HNF1B: variants seen among roughly 807,000 people sequenced by gnomAD.
HNF1B encodes the protein hepatocyte nuclear factor 1-beta.
In HNF1B, 8 loss-of-function variants were observed where a neutral mutation model predicts 61.7. The ratio of observed to expected loss-of-function variants is 0.13; its 90% confidence interval spans 0.08 to 0.23. The LOEUF is 0.23. HNF1B is among the 10% of genes least tolerant of loss of function. HNF1B has a pLI of 1.00. For synonymous variants in HNF1B, 314 were observed against 287.7 expected, an observed-to-expected ratio of 1.09 and a Z score of -0.93; for missense variants, 562 against 714.5, an observed-to-expected ratio of 0.79 and a Z score of 2.43.
rs887863203 is a variant in HNF1B at position 37,701,003 on chromosome 17, G to C, written c.1514C>G (p.Thr505Ser). The change falls in exon 7 of 9, where the codon ACT (threonine) becomes AGT (serine). Residue 505 changes from threonine to serine, a missense_variant. Thr to Ser is a moderately conservative substitution (Grantham distance 58, BLOSUM62 1). Around this residue, in one of 6 missense-constraint regions of HNF1B, gnomAD observed 64 missense variants for 96.9 expected, o/e 0.66. Transcript: ENST00000617811. ...MAQQPFMAAVTQLQNSHMYAH... is the reference protein window; with the variant it reads ...MAQQPFMAAVSQLQNSHMYAH... ...CTTACTGTGTGAGTTCTGCAGCTGA[G>C]TCACAGCTGCCATGAAGGGCTGCTG... 7 of 1,557,284 alleles carry C rather than the reference G, an allele frequency of 4.5e-6. No homozygotes were observed. Among genetic ancestry groups the C allele is most frequent in the Non-Finnish European group, 6.1e-6 (7 of 1,150,182 alleles).
In HNF1B at chr17:37,701,090, T is replaced by C; in HGVS notation, c.1427A>G (p.Gln476Arg). 1 of 1,553,598 alleles carries C rather than the reference T, an allele frequency of 6.4e-7. No homozygotes were observed. Among genetic ancestry groups the C allele is most frequent in the Non-Finnish European group, 8.7e-7 (1 of 1,148,310 alleles). ...LAALQPVQFS[Q>R]QLHSPHQQPL... ...CTGCTGGTGAGGGCTGTGCAGCTGC[T>C]GGGAGAACTGGACGGGCTGCAGGGC... The change falls in exon 7 of 9, where the codon CAG becomes CGG. Residue 476 changes from glutamine (Q) to arginine (R), a missense_variant. Coordinates refer to ENST00000617811, the MANE Select transcript of HNF1B (RefSeq NM_000458.4).
intron 4 of HNF1B, among the ~76,000 whole-genome samples, chr17:37,719,983 C>T (rs1003424062): frequency 6.6e-6 from 1 of 152,130 alleles, no homozygotes; most frequent in Non-Finnish European, 1.5e-5. Flanking sequence ...ATCATTATCA[C>T]CATCATCATC....
chr17:37,716,841 A>AAT (rs2033132060), intron 4 of HNF1B, among the ~76,000 whole-genome samples: 3 of 76,834 alleles, frequency 3.9e-5, no homozygotes, highest in African/African-American at 1.8e-4. Context: ...ACACTTTAAC[A>AAT]ATCTCTCTCT....
At chr17:37,710,333 C>T (rs1409992962) in intron 5 of HNF1B, among the ~76,000 whole-genome samples, 170 bp downstream of exon 5, 1 of 152,252 alleles carries the variant, frequency 6.6e-6, no homozygotes, top group African/African-American at 2.4e-5. Flanking sequence ...CTTCTACCCG[C>T]CAAAGGCTGG....
intron 4 of HNF1B, among the ~76,000 whole-genome samples, chr17:37,719,386 T>C (rs866417148): frequency 6.6e-6 from 1 of 152,194 alleles, no homozygotes; most frequent in African/African-American, 2.4e-5. Context: ...GTTTGGGGGC[T>C]ACTGGGTTGA....
intron 4 of HNF1B, among the ~76,000 whole-genome samples, chr17:37,719,286 GTAAGAGAAGAGGAGAGAGAGAT>G (rs2147501817): frequency 6.6e-6 from 1 of 152,224 alleles, no homozygotes; most frequent in Non-Finnish European, 1.5e-5. Context: ...AGAAAGAGGA[GTAAGAGAAGAGGAGAGAGAGAT>G]TAAAATACAA....
intron 1 of HNF1B, among the ~76,000 whole-genome samples, chr17:37,742,598 G>T (rs1163603873): frequency 1.3e-5 from 2 of 152,074 alleles, no homozygotes; most frequent in African/African-American, 4.8e-5. Flanking sequence ...CGGGACGGGA[G>T]AAAAAAGCCT....
At chr17:37,739,334 A>G in intron 2 of HNF1B, 106 bp downstream of exon 2, 1 of 1,025,596 alleles carries the variant, frequency 9.8e-7, no homozygotes, top group Non-Finnish European at 1.5e-6. Context: ...CATATCTGCC[A>G]AGTGCTCACA....
Position 37,701,114 on chromosome 17 carries a change from G to C in HNF1B, c.1403C>G (p.Ala468Gly). The C allele has an allele frequency of 6.4e-7, 1 of 1,552,376 alleles. No homozygotes were observed. The highest frequency in any genetic ancestry group is 8.7e-7 in the Non-Finnish European group (1 of 1,147,784). ...CTGGGAGAACTGGACGGGCTGCAGG[G>C]CTGCCAGGCTGCCGGCCACACTGTT... ...VINSVAGSLAALQPVQFSQQL... is the reference protein window; with the variant it reads ...VINSVAGSLAGLQPVQFSQQL... Residue 468 changes from alanine to glycine, a missense_variant, in exon 7 of 9, where the codon GCC (alanine) becomes GGC (glycine). This residue lies in a region of HNF1B where 211 missense variants were observed against 200.7 expected (regional missense o/e 1.05). Coordinates refer to ENST00000617811, the MANE Select transcript of HNF1B (RefSeq NM_000458.4).
chr17:37,703,624 A>C (rs1298413676), intron 6 of HNF1B, among the ~76,000 whole-genome samples: 1 of 152,154 alleles, frequency 6.6e-6, no homozygotes, highest in Non-Finnish European at 1.5e-5. Context: ...ACCATATTCC[A>C]TATACCAGAG....
chr17:37,715,496 T>C (rs757783847), intron 4 of HNF1B, among the ~76,000 whole-genome samples: 14 of 152,202 alleles, frequency 9.2e-5, no homozygotes, highest in Non-Finnish European at 1.9e-4. Flanking sequence ...TGGAAAACAC[T>C]TAGTGAATTC....
chr17:37,743,025 T>C (rs562915771), intron 1 of HNF1B, among the ~76,000 whole-genome samples: 5 of 152,208 alleles, frequency 3.3e-5, no homozygotes, highest in African/African-American at 4.8e-5. Flanking sequence ...TAGAAATAAA[T>C]TAATAACACC....
chr17:37,702,813 C>G (rs533060625), intron 6 of HNF1B, among the ~76,000 whole-genome samples: 1 of 152,320 alleles, frequency 6.6e-6, no homozygotes, highest in East Asian at 1.9e-4. Context: ...GCCCAGGAAT[C>G]TTATTTTCAA....
rs536008116 is a variant in HNF1B, at chr17:37,716,004, C to T, written c.1046-5341G>A. ...AAAATTAGCTGGGTATGGTGGTACG[C>T]GCATTAGCTAGGCATAGTGGTGTAA... On this transcript the variant is annotated intron_variant, in intron 4 of 8. Coordinates refer to ENST00000617811, the MANE Select transcript of HNF1B (RefSeq NM_000458.4). 1.8e-4 allele frequency among the ~76,000 whole-genome samples: 27 copies of T among 152,018 alleles called. No homozygotes were observed. The South Asian group carries it at 4.0e-3, about 22-fold the overall frequency.
rs1459984133 is a variant in HNF1B at position 37,724,932 on chromosome 17, G to A, written c.1045+6663C>T. Among the ~76,000 whole-genome samples, 61 of 74,512 alleles carry A rather than the reference G, an allele frequency of 8.2e-4. 1 individual carries two copies. Among genetic ancestry groups the A allele is most frequent in the African/African-American group, 4.5e-3 (56 of 12,450 alleles). The allele number at this position is 74,512 out of a possible 152,430, so 48.9% of individuals were successfully genotyped here. A position where few individuals can be genotyped will look rare whatever the true frequency, so the allele number is the denominator to read the frequency against. The stretch of plus-strand genomic sequence containing the variant: ...TGTGTGTGTGTGTGTGTGTGTGTGT[G>A]TGTGTATATATATATAATACATATA... On this transcript the variant is annotated intron_variant, in intron 4 of 8. Coordinates refer to ENST00000617811, the MANE Select transcript of HNF1B (RefSeq NM_000458.4).
intron 1 of HNF1B, among the ~76,000 whole-genome samples, chr17:37,740,008 C>T (rs772983413): frequency 3.9e-5 from 6 of 151,956 alleles, no homozygotes; most frequent in Non-Finnish European, 8.8e-5. Context: ...GCTCTTGTCA[C>T]CCAGGCTGGA....
chr17:37,733,477 T>C, intron 3 of HNF1B, 80 bp downstream of exon 3: 6 of 1,524,154 alleles, frequency 3.9e-6, no homozygotes, highest in Non-Finnish European at 5.5e-6. Context: ...AACTAGTGTC[T>C]CAATATCCCA....
At position 37,704,890 on chromosome 17, in the gene HNF1B, A is replaced by G. The variant is rs2107133; in HGVS notation, c.1339+27T>C. 186,948 of 1,612,856 alleles carry G rather than the reference A, an allele frequency of 0.12. 12,081 individuals are homozygous for G. The highest frequency in any genetic ancestry group is 0.13 in the Non-Finnish European group (156,985 of 1,178,874). Reference sequence around the variant, plus strand: ...CCCATTCTTCTTCTCCCTGCCCCCAAGTTTTCCAACCAAGAATAGAACTTA... The same window carrying G: ...CCCATTCTTCTTCTCCCTGCCCCCAGGTTTTCCAACCAAGAATAGAACTTA... On this transcript the variant is annotated intron_variant, in intron 6 of 8. Transcript: ENST00000617811.
intron 6 of HNF1B, 84 bp downstream of exon 6, chr17:37,704,833 C>G (rs529363063): frequency 6.7e-7 from 1 of 1,489,626 alleles, no homozygotes; most frequent in African/African-American, 1.4e-5. Flanking sequence ...TGAAGGAGAC[C>G]TACAGTTATT....
Sources: allele counts gnomAD v4.1 joint callset (sites outside exome capture counted in the v4.1 genomes callset), GRCh38; gene constraint gnomAD v4.1.1; regional missense constraint gnomAD v4.1.1; transcripts MANE v1.5; gene names NCBI Gene and HGNC (gene_info 2026-07-23, HGNC 2026-07-21).